CNOT6L: variants seen among roughly 807,000 people sequenced by gnomAD.
The protein encoded by CNOT6L is CCR4-NOT transcription complex subunit 6-like.
In CNOT6L, 7 loss-of-function variants were observed where a neutral mutation model predicts 64.0. The observed-to-expected ratio is 0.11, with a 90% CI of 0.06 to 0.21. The LOEUF is 0.21. Among genes scored for constraint, CNOT6L ranks in the 10% least tolerant of loss-of-function variants. CNOT6L has a pLI of 1.00. For synonymous variants in CNOT6L, 193 were observed against 243.4 expected (o/e 0.79, Z 1.93); for missense variants, 245 against 669.0 (o/e 0.37, Z 6.99).
Position 77,786,009 on chromosome 4 carries a change from G to A in CNOT6L, c.6-9617C>T, listed in dbSNP as rs145289611. Among the ~76,000 whole-genome samples the A allele has an allele frequency of 9.1e-4, 139 of 152,240 alleles. 2 individuals are homozygous for A. The East Asian group carries it at 0.019, about 21-fold the overall frequency. The stretch of plus-strand genomic sequence containing the variant: ...AATAAGAAATAACATGGCCGGGTGC[G>A]GTGGCTCATGCCTGTAATCCCAGCA... On this transcript the variant is annotated intron_variant, in intron 1 of 11. Coordinates refer to ENST00000504123, the MANE Select transcript of CNOT6L (RefSeq NM_144571.3).
upstream of CNOT6L, chr4:77,819,457 C>T (rs1032999736): frequency 5.3e-6 from 8 of 1,500,096 alleles, no homozygotes; most frequent in South Asian, 1.2e-5. Flanking sequence ...ACACAAACAC[C>T]CACGGCGGGC....
chr4:77,799,473 G>A (rs1731251935), intron 1 of CNOT6L, among the ~76,000 whole-genome samples: 1 of 152,054 alleles, frequency 6.6e-6, no homozygotes, highest in African/African-American at 2.4e-5. Flanking sequence ...CGGAGACCGA[G>A]GCAGGTGGAT....
intron 1 of CNOT6L, among the ~76,000 whole-genome samples, chr4:77,797,102 CAAAAAA>C (rs386400560): frequency 3.8e-5 from 2 of 52,984 alleles, no homozygotes; most frequent in East Asian, 6.8e-4. Context: ...GACCTTGTCT[CAAAAAA>C]AAAAAAAAAA....
At chr4:77,758,768 T>C (rs148509100) in intron 4 of CNOT6L, among the ~76,000 whole-genome samples, 1 of 152,246 alleles carries the variant, frequency 6.6e-6, no homozygotes, top group East Asian at 1.9e-4. Flanking sequence ...CTTCCACGAG[T>C]CTTACTATAA....
rs1335430833 is a variant in CNOT6L, at chr4:77,718,747, A to AG, written c.*1683_*1684insC. 3 of 152,650 alleles carry AG rather than the reference A, an allele frequency of 2.0e-5. No homozygotes were observed. The highest frequency in any genetic ancestry group is 4.8e-5 in the African/African-American group (2 of 41,464). The allele number at this position is 152,650 out of a possible 1,614,324, so 9.5% of individuals were successfully genotyped here. The stretch of plus-strand genomic sequence containing the variant: ...ATATAGCCTGATTAATTTACTATGG[A>AG]AGAAATTAGCATAAAATGACCAAAG... On this transcript the variant is annotated 3_prime_UTR_variant, in exon 12 of 12. Transcript: ENST00000504123.
intron 8 of CNOT6L, among the ~76,000 whole-genome samples, chr4:77,735,203 GCAGT>G (rs1722822363): frequency 6.6e-6 from 1 of 152,150 alleles, no homozygotes; most frequent in South Asian, 2.1e-4. Flanking sequence ...GTCACCTGAG[GCAGT>G]CAGGCCTGCA....
chr4:77,776,232 C>CT (rs1464177216), intron 2 of CNOT6L, 39 bp downstream of exon 2: 1 of 1,597,168 alleles, frequency 6.3e-7, no homozygotes, highest in African/African-American at 1.4e-5. Flanking sequence ...TGTATTATCA[C>CT]TATTACATTC....
Position 77,741,753 on chromosome 4 carries a change from A to T in CNOT6L, c.872+388T>A, listed in dbSNP as rs542927067. On this transcript the variant is annotated intron_variant, in intron 8 of 11. Coordinates refer to ENST00000504123, the MANE Select transcript of CNOT6L (RefSeq NM_144571.3). ...TGAATAAATGATTTTAAAATGAATGATTCTCAAAAATCAATTATTAAAAAA... is the reference window on the plus strand; with the variant it reads ...TGAATAAATGATTTTAAAATGAATGTTTCTCAAAAATCAATTATTAAAAAA... Among the ~76,000 whole-genome samples, 6 of 152,268 alleles carry T rather than the reference A, an allele frequency of 3.9e-5. No homozygotes were observed. The South Asian group carries it at 1.2e-3, about 32-fold the overall frequency.
At chr4:77,730,389 C>CTATAT (rs1251333592) in intron 9 of CNOT6L, among the ~76,000 whole-genome samples, 1 of 152,026 alleles carries the variant, frequency 6.6e-6, no homozygotes, top group East Asian at 1.9e-4. Context: ...GCCATAAGCA[C>CTATAT]TATATTACTA....
At position 77,718,294 on chromosome 4, in the gene CNOT6L, AAAAT is replaced by A. The variant is rs1215869417; in HGVS notation, c.*2133_*2136del. The A allele has an allele frequency of 6.6e-6, 1 of 152,562 alleles. No individual in the cohort carries two copies. The highest frequency in any genetic ancestry group is 1.5e-5 in the Non-Finnish European group (1 of 68,032). 9.5% of individuals were successfully genotyped at this position (152,562 alleles called of 1,614,324 possible). On this transcript the variant is annotated 3_prime_UTR_variant, in exon 12 of 12. Coordinates refer to ENST00000504123, the MANE Select transcript of CNOT6L (RefSeq NM_144571.3). Reference sequence around the variant, plus strand: ...AAAACCCACCCAAAACAAAAGATCTAAAATAAAACATACAGTAGCTGATTACAAA... The same window carrying A: ...AAAACCCACCCAAAACAAAAGATCTAAAAACATACAGTAGCTGATTACAAA...
At chr4:77,754,955 T>A in intron 5 of CNOT6L, among the ~76,000 whole-genome samples, 1 of 134,040 alleles carries the variant, frequency 7.5e-6, no homozygotes. Flanking sequence ...ATTCATGATC[T>A]TGTGGTATCA....
At chr4:77,769,772 C>T (rs1220790114) in intron 4 of CNOT6L, among the ~76,000 whole-genome samples, 1 of 152,064 alleles carries the variant, frequency 6.6e-6, no homozygotes, top group East Asian at 1.9e-4. Context: ...AAAAGAAAGT[C>T]TTCCACTGAC....
rs368257569 is a variant in CNOT6L at position 77,742,234 on chromosome 4, T to G, written c.779A>C (p.Asp260Ala). 5.0e-6 allele frequency: 8 copies of G among 1,613,060 alleles called. No homozygotes were observed. In the African/African-American group the frequency reaches 9.3e-5, roughly 19 times the overall value. The change falls in exon 8 of 12, where the codon GAT (aspartate) becomes GCT (alanine). Residue 260 changes from aspartate to alanine, a missense_variant. By Grantham distance (126) the Asp-to-Ala change is moderately radical. This residue lies in a region of CNOT6L where 94 missense variants were observed against 290.9 expected (regional missense o/e 0.32). Transcript: ENST00000504123. ...ACGTGACTTTGGAGAAAAAAATCCA[T>G]CATATCCACGCTCCTTCAATGCTGG... ...FLPALKERGYDGFFSPKSRAK... is the reference protein window; with the variant it reads ...FLPALKERGYAGFFSPKSRAK...
intron 4 of CNOT6L, among the ~76,000 whole-genome samples, chr4:77,772,387 C>T (rs112926185): frequency 1.2e-4 from 19 of 152,074 alleles, no homozygotes; most frequent in South Asian, 2.1e-4. Context: ...CCACCACACA[C>T]GGCTAATTTT....
chr4:77,762,668 T>C (rs1209559756), intron 4 of CNOT6L, among the ~76,000 whole-genome samples: 1 of 152,168 alleles, frequency 6.6e-6, no homozygotes, highest in Admixed American at 6.5e-5. Context: ...CCACAGGTTT[T>C]ATACACACAA....
At chr4:77,731,770 CT>C (rs1722463470) in intron 8 of CNOT6L, 1 of 366,138 alleles carries the variant, frequency 2.7e-6, no homozygotes, top group Non-Finnish European at 4.9e-6. Flanking sequence ...TACCTTGCCC[CT>C]TACAGCTAGT....
In CNOT6L at chr4:77,713,701, ACATCT is replaced by A. The variant is rs1185292882; in HGVS notation, c.*6725_*6729del. 3 of 152,548 alleles carry A rather than the reference ACATCT, an allele frequency of 2.0e-5. No homozygotes were observed. Among genetic ancestry groups the A allele is most frequent in the African/African-American group, 7.2e-5 (3 of 41,424 alleles). 9.4% of individuals were successfully genotyped at this position (152,548 alleles called of 1,614,324 possible). ...CTTTGTACAGTGTCTATTGTGAAAA[ACATCT>A]CAGCTGAGCAGTTTTGGTCAAGATT... On this transcript the variant is annotated 3_prime_UTR_variant, in exon 12 of 12. Coordinates refer to ENST00000504123, the MANE Select transcript of CNOT6L (RefSeq NM_144571.3).
chr4:77,777,681 T>C (rs932725221), intron 1 of CNOT6L, among the ~76,000 whole-genome samples: 6 of 152,178 alleles, frequency 3.9e-5, no homozygotes, highest in African/African-American at 1.4e-4. Flanking sequence ...TATTAACATA[T>C]ATACACACAC....
chr4:77,793,798 A>G (rs921052827), intron 1 of CNOT6L, among the ~76,000 whole-genome samples: 6 of 152,180 alleles, frequency 3.9e-5, no homozygotes, highest in Non-Finnish European at 7.3e-5. Context: ...TATATGCGTT[A>G]TAAATTTTAC....
Sources: gnomAD v4.1 joint callset for allele counts (sites outside exome capture counted in the v4.1 genomes callset) on GRCh38, gnomAD v4.1.1 for gene constraint, gnomAD v4.1.1 regional missense constraint, MANE v1.5 for transcripts, NCBI Gene and HGNC (gene_info 2026-07-23, HGNC 2026-07-21) for gene names.